The following RANBP2 variants were observed in gnomAD, a reference collection of about 807,000 sequenced individuals.
RANBP2 encodes the protein E3 SUMO-protein ligase RanBP2.
In RANBP2, 57 loss-of-function variants were observed where a neutral mutation model predicts 303.6. The observed-to-expected ratio is 0.19, with a 90% CI of 0.15 to 0.23. The LOEUF (loss-of-function observed/expected upper bound fraction) is 0.23, where lower values mean the gene tolerates loss of function less well. Among genes scored for constraint, RANBP2 ranks in the 10% least tolerant of loss-of-function variants. The pLI, the probability that RANBP2 is intolerant of heterozygous loss-of-function variation, is 1.00. For missense variants in RANBP2, 3,138 were observed against 3,780.8 expected (o/e 0.83, Z 4.46); for synonymous variants, 1,167 against 1,301.5 (o/e 0.90, Z 2.23).
chr2:108,892,861 C>G, the RANBP2 span, among the ~76,000 whole-genome samples: 1 of 152,208 alleles, frequency 6.6e-6, no homozygotes, highest in African/African-American at 2.4e-5. Flanking sequence ...CTGTTGAATT[C>G]CAGTGTTCTC....
intron 15 of RANBP2, 31 bp from the exon 16 acceptor site, chr2:108,754,874 A>G: frequency 1.9e-6 from 3 of 1,608,928 alleles, no homozygotes; most frequent in Non-Finnish European, 2.5e-6. Flanking sequence ...TTTGCAAATG[A>G]AAGCCCTTAA....
At chr2:109,078,274 A>ATATATATATATATATAGCG in the RANBP2 span, among the ~76,000 whole-genome samples, 1 of 49,148 alleles carries the variant, frequency 2.0e-5, no homozygotes, top group African/African-American at 8.8e-5. Context: ...GCGCGTATAT[A>ATATATATATATATATAGCG]TATATATATA....
At chr2:108,915,839 G>A in the RANBP2 span, among the ~76,000 whole-genome samples, 1 of 152,138 alleles carries the variant, frequency 6.6e-6, no homozygotes, top group African/African-American at 2.4e-5. Flanking sequence ...GGAGGTTGCA[G>A]TGAGTCGAGA....
At chr2:109,325,154 G>A in the RANBP2 span, among the ~76,000 whole-genome samples, 1 of 152,100 alleles carries the variant, frequency 6.6e-6, no homozygotes, top group African/African-American at 2.4e-5. Flanking sequence ...TGCAGTGCTC[G>A]GAAACAACTC....
the RANBP2 span, among the ~76,000 whole-genome samples, chr2:109,604,099 T>C: frequency 6.8e-6 from 1 of 147,494 alleles, no homozygotes; most frequent in Non-Finnish European, 1.5e-5. Context: ...GAGGTGGAGA[T>C]TGCAGTGAGC....
the RANBP2 span, among the ~76,000 whole-genome samples, chr2:109,197,123 G>T: frequency 2.6e-5 from 4 of 152,212 alleles, no homozygotes; most frequent in African/African-American, 9.7e-5. Flanking sequence ...GCAGAGGTTG[G>T]GTTTGAACCT....
chr2:108,968,634 A>T, the RANBP2 span, among the ~76,000 whole-genome samples: 4 of 152,162 alleles, frequency 2.6e-5, no homozygotes, highest in Admixed American at 1.3e-4. Flanking sequence ...CTTCCTAGCT[A>T]CCAGGGAAGA....
the RANBP2 span, among the ~76,000 whole-genome samples, chr2:109,590,435 T>C: frequency 6.7e-6 from 1 of 150,136 alleles, no homozygotes; most frequent in Admixed American, 6.6e-5. Context: ...TTTTTTTTTT[T>C]CCTTTTTTCT....
At chr2:109,333,139 C>T in the RANBP2 span, among the ~76,000 whole-genome samples, 1 of 152,244 alleles carries the variant, frequency 6.6e-6, no homozygotes, top group Admixed American at 6.5e-5. Context: ...TAGCTCAAGT[C>T]CCAGGGTTGA....
At chr2:108,804,865 A>G in the RANBP2 span, 2 of 1,484,804 alleles carry the variant, frequency 1.3e-6, no homozygotes, top group Non-Finnish European at 8.9e-7. Context: ...GTTTTAGATG[A>G]GAGTTTTTTT....
At chr2:109,308,217 T>A in the RANBP2 span, among the ~76,000 whole-genome samples, 1 of 130,728 alleles carries the variant, frequency 7.6e-6, no homozygotes, top group South Asian at 2.4e-4. Context: ...TGCATAAATG[T>A]CTTCTTTTGA....
At chr2:109,514,122 G>A in the RANBP2 span, among the ~76,000 whole-genome samples, 2 of 152,180 alleles carry the variant, frequency 1.3e-5, no homozygotes, top group African/African-American at 2.4e-5. Flanking sequence ...GCTCCATCAA[G>A]TGCTCTTGCA....
At chr2:108,844,995 C>T in the RANBP2 span, among the ~76,000 whole-genome samples, 2 of 151,990 alleles carry the variant, frequency 1.3e-5, no homozygotes, top group Non-Finnish European at 2.9e-5. Context: ...ATCCGCCTGC[C>T]TTGGCTTCCC....
the RANBP2 span, among the ~76,000 whole-genome samples, chr2:109,495,744 G>A: frequency 6.6e-6 from 1 of 152,084 alleles, no homozygotes. Context: ...CGCCCACCTC[G>A]GATTCCCAGA....
At chr2:109,075,517 T>C in the RANBP2 span, among the ~76,000 whole-genome samples, 1 of 145,046 alleles carries the variant, frequency 6.9e-6, no homozygotes, top group Non-Finnish European at 1.5e-5. Context: ...TGAGCCACCG[T>C]GCCTGGCCCA....
At chr2:108,786,827 A>G (rs776233899), downstream of RANBP2, 1 of 1,589,406 alleles carries the variant, frequency 6.3e-7, no homozygotes, top group South Asian at 1.1e-5. Flanking sequence ...TGTGCTATGG[A>G]GCCGAGGGTC....
At chr2:109,466,909 GTGTC>G in the RANBP2 span, among the ~76,000 whole-genome samples, 1 of 152,060 alleles carries the variant, frequency 6.6e-6, no homozygotes, top group African/African-American at 2.4e-5. Context: ...TTGTGTATGT[GTGTC>G]TATATGTGTA....
At chr2:109,164,571 A>G in the RANBP2 span, among the ~76,000 whole-genome samples, 6 of 152,156 alleles carry the variant, frequency 3.9e-5, no homozygotes, top group Admixed American at 2.6e-4. Flanking sequence ...TACCCATTCA[A>G]ACTTTCACCT....
chr2:109,027,261 A>AAAC, the RANBP2 span, among the ~76,000 whole-genome samples: 2 of 151,216 alleles, frequency 1.3e-5, no homozygotes, highest in Admixed American at 6.6e-5. Flanking sequence ...AAAAAAAAAA[A>AAAC]AAACAAGGAC....
Sources: gnomAD v4.1 joint callset for allele counts (sites outside exome capture counted in the v4.1 genomes callset) on GRCh38, gnomAD v4.1.1 for gene constraint, MANE v1.5 for transcripts, NCBI Gene and HGNC (gene_info 2026-07-23, HGNC 2026-07-21) for gene names.